Variants in TTC34 observed in about 807,000 individuals in gnomAD.
TTC34 encodes tetratricopeptide repeat domain 34, also known as tetratricopeptide repeat protein 34.
In TTC34, 44 loss-of-function variants were observed where a neutral mutation model predicts 40.7. That is an observed-to-expected ratio of 1.08 (90% CI 0.85 to 1.39). The LOEUF is 1.39. Among genes scored for constraint, TTC34 ranks in the 40% most tolerant of loss-of-function variants. The probability of loss-of-function intolerance (pLI) is 0.00; values close to 1 mark genes in which losing one functional copy is unlikely to be tolerated. For synonymous variants in TTC34, 422 were observed against 398.6 expected (o/e 1.06, Z -0.70); for missense variants, 884 against 838.0 (o/e 1.05, Z -0.68).
chr1:2,750,630 G>A (rs1641286635), intron 6 of TTC34, among the ~76,000 whole-genome samples: 1 of 151,558 alleles, frequency 6.6e-6, no homozygotes, highest in Non-Finnish European at 1.5e-5. Flanking sequence ...CTGACAGCCT[G>A]GAGCAGCACC....
At chr1:2,686,743 G>A (rs368881678) in intron 6 of TTC34, among the ~76,000 whole-genome samples, 27 of 145,842 alleles carry the variant, frequency 1.9e-4, no homozygotes, top group Admixed American at 3.4e-4. Flanking sequence ...GCATCTGACA[G>A]CCTGGAACGG....
chr1:2,781,063 G>A (rs1643475173), intron 6 of TTC34, among the ~76,000 whole-genome samples: 1 of 152,106 alleles, frequency 6.6e-6, no homozygotes, highest in South Asian at 2.1e-4. Flanking sequence ...AAAATTATGT[G>A]GGTCCCCTTA....
chr1:2,683,334 T>A (rs1261753024), intron 6 of TTC34, among the ~76,000 whole-genome samples: 1 of 147,958 alleles, frequency 6.8e-6, no homozygotes, highest in African/African-American at 2.5e-5. Context: ...TCTGACAGAC[T>A]GGAACACCAC....
In TTC34 at chr1:2,656,348, A is replaced by T. The variant is rs1298156116; in HGVS notation, c.2227-10785T>A. ...ACAGCACTCACACCCCCAGGTGAGC[A>T]TCTGACAGCCTGGAACAGCACCCAC... On this transcript the variant is annotated intron_variant, in intron 6 of 8. Coordinates refer to ENST00000401095, the Ensembl canonical transcript of TTC34. 2.7e-5 allele frequency among the ~76,000 whole-genome samples: 4 copies of T among 147,408 alleles called. No individual in the cohort carries two copies. In the East Asian group the frequency reaches 8.1e-4, roughly 30 times the overall value.
At position 2,660,063 on chromosome 1, in the gene TTC34, C is replaced by T. The variant is rs1639484960; in HGVS notation, c.2227-14500G>A. 2.6e-5 allele frequency among the ~76,000 whole-genome samples: 4 copies of T among 151,360 alleles called. No individual in the cohort carries two copies. In the South Asian group the frequency reaches 6.3e-4, roughly 24 times the overall value. ...AGCATCTGATAGCCTGGAACAGCAC[C>T]CACACCCCCAGGAGAGCATCCGGCA... is the stretch of plus-strand genomic sequence containing the variant. On this transcript the variant is annotated intron_variant, in intron 6 of 8. Transcript: ENST00000401095.
chr1:2,683,380 C>G (rs1640165996), intron 6 of TTC34, among the ~76,000 whole-genome samples: 2 of 136,256 alleles, frequency 1.5e-5, no homozygotes, highest in South Asian at 2.4e-4. Context: ...TGGCTTGGAA[C>G]AGCACCCACA....
In TTC34 at chr1:2,694,635, C is replaced by T. The variant is rs535124987; in HGVS notation, c.2227-49072G>A. On this transcript the variant is annotated intron_variant, in intron 6 of 8. Transcript: ENST00000401095. Reference sequence around the variant, plus strand: ...ACCACGGAGCAGCACCCACACCTCCCGGCGAGCATCTGACGGCCTGGAACA... The same window carrying T: ...ACCACGGAGCAGCACCCACACCTCCTGGCGAGCATCTGACGGCCTGGAACA... Among the ~76,000 whole-genome samples, 6 of 53,092 alleles carry T rather than the reference C, an allele frequency of 1.1e-4. 2 individuals are homozygous for T. In the South Asian group the frequency reaches 3.2e-3, roughly 29 times the overall value. 34.8% of individuals were successfully genotyped at this position (53,092 alleles called of 152,430 possible).
intron 2 of TTC34, among the ~76,000 whole-genome samples, chr1:2,791,608 ACAAG>A (rs1643664234): frequency 6.6e-6 from 1 of 152,220 alleles, no homozygotes; most frequent in Non-Finnish European, 1.5e-5. Context: ...GCAAGCAGCC[ACAAG>A]GTCACTCTGT....
exon 3 of TTC34, chr1:2,789,507 C>T (rs938610283): frequency 4.6e-6 from 7 of 1,506,478 alleles, no homozygotes; most frequent in South Asian, 1.2e-5. Flanking sequence ...CCTCACCCCT[C>T]CTGCGTGGTG....
chr1:2,790,407 C>T, intron 2 of TTC34, 61 bp from the exon 3 acceptor site: 5 of 398,224 alleles, frequency 1.3e-5, no homozygotes, highest in Non-Finnish European at 2.2e-5. Flanking sequence ...GGGGTGCCAC[C>T]TGCAAGTCCC....
At chr1:2,798,921 C>CCCA in intron 2 of TTC34, among the ~76,000 whole-genome samples, 4 of 94,156 alleles carry the variant, frequency 4.2e-5, no homozygotes, top group Non-Finnish European at 8.7e-5. Context: ...CTCCAAGCCT[C>CCCA]GCAGCCCCCC....
chr1:2,776,478 A>C (rs1332325834), intron 6 of TTC34: 8 of 61,006 alleles, frequency 1.3e-4, no homozygotes, highest in Admixed American at 3.2e-4. Context: ...TGGAAAAACA[A>C]CCCCCTTCAG....
intron 6 of TTC34, among the ~76,000 whole-genome samples, chr1:2,749,053 AAT>A (rs1641234522): frequency 2.5e-5 from 1 of 39,798 alleles, no homozygotes; most frequent in African/African-American, 1.5e-4. Flanking sequence ...CCCAGGTGAG[AAT>A]CCGACAGCCT....
chr1:2,685,085 G>A (rs1472177721), intron 6 of TTC34, among the ~76,000 whole-genome samples: 1 of 105,652 alleles, frequency 9.5e-6, no homozygotes, highest in East Asian at 3.3e-4. Flanking sequence ...GCACCCCCAG[G>A]TGTGCACGTG....
chr1:2,656,062 T>G (rs2100235736), intron 6 of TTC34, among the ~76,000 whole-genome samples: 1 of 151,560 alleles, frequency 6.6e-6, no homozygotes, highest in Admixed American at 6.6e-5. Flanking sequence ...CACCCCCAGG[T>G]GCGCATCTGA....
rs1243362152 is a variant in TTC34 at position 2,673,389 on chromosome 1, C to T, written c.2227-27826G>A. On this transcript the variant is annotated intron_variant, in intron 6 of 8. Transcript: ENST00000401095. ...GAGCATCTGAGGGCCTGGGTCGGCACCCACACCCCCAGGTGAGCATCTGAT... is the reference window on the plus strand; with the variant it reads ...GAGCATCTGAGGGCCTGGGTCGGCATCCACACCCCCAGGTGAGCATCTGAT... 9.3e-5 allele frequency among the ~76,000 whole-genome samples: 7 copies of T among 75,534 alleles called. No homozygotes were observed. In the East Asian group the frequency reaches 2.1e-3, roughly 22 times the overall value. 49.6% of individuals were successfully genotyped at this position (75,534 alleles called of 152,430 possible).
intron 6 of TTC34, among the ~76,000 whole-genome samples, chr1:2,768,280 G>T (rs1440854993): frequency 1.3e-5 from 2 of 152,104 alleles, no homozygotes; most frequent in African/African-American, 4.8e-5. Context: ...GGGATGGAAG[G>T]TGCCATTGTA....
chr1:2,750,859 A>C lies in TTC34; in HGVS notation c.2226+32750T>G, dbSNP rs1197364687. 7.4e-4 allele frequency among the ~76,000 whole-genome samples: 94 copies of C among 126,686 alleles called. 13 individuals carry two copies. The highest frequency in any genetic ancestry group is 4.8e-4 in the Non-Finnish European group (30 of 62,164). 83.1% of individuals were successfully genotyped at this position (126,686 alleles called of 152,430 possible). ...GCAGTACCCACACACCCAGGTGAGC[A>C]TCTGACAGCGTGGAGCAGCACCCAA... On this transcript the variant is annotated intron_variant, in intron 6 of 8. Transcript: ENST00000401095.
chr1:2,749,837 A>G, intron 6 of TTC34, among the ~76,000 whole-genome samples: 1 of 142,186 alleles, frequency 7.0e-6, no homozygotes, highest in African/African-American at 2.7e-5. Flanking sequence ...CTGGAACAGC[A>G]CCCACACCCC....
Sources: allele counts gnomAD v4.1 joint callset (sites outside exome capture counted in the v4.1 genomes callset), GRCh38; gene constraint gnomAD v4.1.1; transcripts MANE v1.5; gene names NCBI Gene and HGNC (gene_info 2026-07-23, HGNC 2026-07-21).